BDP1: variants seen among roughly 807,000 people sequenced by gnomAD.
BDP1 encodes transcription factor TFIIIB component B'' homolog.
BDP1 carries 169 observed loss-of-function variants against 266.6 expected under a neutral mutation model. That is an observed-to-expected ratio of 0.63 (90% CI 0.56 to 0.72). BDP1 has a LOEUF of 0.72. Among genes scored for constraint, BDP1 ranks in the 30% least tolerant of loss-of-function variants. BDP1 has a pLI of 0.00. For missense variants in BDP1, 3,015 were observed against 3,053.8 expected (o/e 0.99, Z 0.30); for synonymous variants, 1,090 against 1,022.4 (o/e 1.07, Z -1.26).
chr5:71,560,966 C>T (rs1743603980), intron 37 of BDP1, among the ~76,000 whole-genome samples: 1 of 152,120 alleles, frequency 6.6e-6, no homozygotes, highest in Non-Finnish European at 1.5e-5. Context: ...AGAATGAGGC[C>T]CAGGTACAGT....
intron 25 of BDP1, among the ~76,000 whole-genome samples, chr5:71,530,122 T>C (rs533197957): frequency 3.3e-4 from 51 of 152,372 alleles, no homozygotes; most frequent in African/African-American, 1.1e-3. Context: ...AACTTTTACT[T>C]TATAGAATAT....
intron 16 of BDP1, among the ~76,000 whole-genome samples, chr5:71,508,471 A>ATT (rs113929106): frequency 1.3e-3 from 187 of 144,386 alleles, no homozygotes; most frequent in South Asian, 2.7e-3. Context: ...CACTTGACTA[A>ATT]TTTTTTTTTT....
At chr5:71,466,025 AT>A (rs1374143473) in intron 4 of BDP1, 70 bp from the exon 5 acceptor site, 2 of 1,487,652 alleles carry the variant, frequency 1.3e-6, no homozygotes, top group African/African-American at 2.8e-5. Flanking sequence ...GTAATCATTT[AT>A]TTTAAGTTTT....
At chr5:71,563,529 A>T (rs1241426399) in intron 38 of BDP1, among the ~76,000 whole-genome samples, 1 of 151,836 alleles carries the variant, frequency 6.6e-6, no homozygotes, top group African/African-American at 2.4e-5. Context: ...TTTTGATTTT[A>T]TTTATGGTGG....
At chr5:71,553,051 T>TA in intron 34 of BDP1, 65 bp from the exon 35 acceptor site, 2 of 1,334,114 alleles carry the variant, frequency 1.5e-6, no homozygotes, top group African/African-American at 1.5e-5. Flanking sequence ...CTAGGATCCT[T>TA]TAAAAAAAAA....
chr5:71,496,844 A>G (rs898691274), intron 12 of BDP1, among the ~76,000 whole-genome samples: 6 of 152,306 alleles, frequency 3.9e-5, no homozygotes, highest in East Asian at 1.9e-4. Flanking sequence ...CAGCCTCCCA[A>G]AGTGCTGGGA....
chr5:71,554,739 C>T (rs1347552728), intron 35 of BDP1, among the ~76,000 whole-genome samples: 1 of 148,706 alleles, frequency 6.7e-6, no homozygotes, highest in Non-Finnish European at 1.5e-5. Flanking sequence ...TTTTTATTTT[C>T]TAAACTTTGT....
At chr5:71,489,375 AT>A in intron 9 of BDP1, 28 bp from the exon 10 acceptor site, 3 of 1,538,956 alleles carry the variant, frequency 1.9e-6, no homozygotes, top group Non-Finnish European at 2.6e-6. Context: ...GGTTGTTTAA[AT>A]ATTTATAGTA....
chr5:71,553,008 C>A, intron 34 of BDP1, 108 bp from the exon 35 acceptor site: 2 of 925,108 alleles, frequency 2.2e-6, no homozygotes, highest in Non-Finnish European at 3.2e-6. Flanking sequence ...CATTGGAATA[C>A]CTCAGCCTTT....
chr5:71,556,588 C>T (rs1403947874), intron 35 of BDP1, among the ~76,000 whole-genome samples: 1 of 152,028 alleles, frequency 6.6e-6, no homozygotes, highest in Non-Finnish European at 1.5e-5. Context: ...CTGAAACGAG[C>T]TCTACTTGAT....
At position 71,489,428 on chromosome 5, in the gene BDP1, T is replaced by G; in HGVS notation, c.1238T>G (p.Val413Gly). The G allele has an allele frequency of 6.2e-7, 1 of 1,607,134 alleles. No individual in the cohort carries two copies. The highest frequency in any genetic ancestry group is 8.5e-7 in the Non-Finnish European group (1 of 1,178,218). The stretch of plus-strand genomic sequence containing the variant: ...GTGAAAAAAGTTGCCTGTGAAGGAG[T>G]GAATAATGATCCAGATGAGTCTATG... ...VKVKKVACEG[V>G]NNDPDESMSS... Residue 413 changes from valine to glycine, a missense_variant, in exon 10 of 39, where the codon GTG (valine) becomes GGG (glycine). Coordinates refer to ENST00000358731, the MANE Select transcript of BDP1 (RefSeq NM_018429.3).
intron 35 of BDP1, 27 bp from the exon 36 acceptor site, chr5:71,556,859 A>ATT: frequency 8.4e-7 from 1 of 1,183,440 alleles, no homozygotes; most frequent in Non-Finnish European, 1.2e-6. Flanking sequence ...AAATTTCTAA[A>ATT]TTTTTTTTTA....
chr5:71,511,360 T>G, intron 17 of BDP1: 2 of 549,510 alleles, frequency 3.6e-6, no homozygotes, highest in Non-Finnish European at 6.1e-6. Flanking sequence ...GGGCACACCT[T>G]TAAACCCAAC....
At chr5:71,553,011 C>A in intron 34 of BDP1, 105 bp from the exon 35 acceptor site, 2 of 954,040 alleles carry the variant, frequency 2.1e-6, no homozygotes, top group Non-Finnish European at 3.1e-6. Flanking sequence ...TGGAATACCT[C>A]AGCCTTTAAC....
chr5:71,471,347 C>G (rs1162797753), intron 7 of BDP1, among the ~76,000 whole-genome samples: 1 of 151,892 alleles, frequency 6.6e-6, no homozygotes, highest in Non-Finnish European at 1.5e-5. Flanking sequence ...TTACCATGTT[C>G]GTCAGCCTGG....
At chr5:71,504,981 A>G (rs1764498499) in intron 16 of BDP1, among the ~76,000 whole-genome samples, 1 of 152,186 alleles carries the variant, frequency 6.6e-6, no homozygotes, top group Admixed American at 6.5e-5. Flanking sequence ...ACTTGAGTTA[A>G]CATGAATAGC....
intron 31 of BDP1, among the ~76,000 whole-genome samples, 189 bp downstream of exon 31, chr5:71,544,696 G>C (rs370349711): frequency 6.6e-6 from 1 of 151,742 alleles, no homozygotes; most frequent in African/African-American, 2.4e-5. Flanking sequence ...TGGCTAACAC[G>C]GTGAAACCCC....
At chr5:71,545,749 A>G (rs1580189679) in intron 32 of BDP1, among the ~76,000 whole-genome samples, 1 of 152,170 alleles carries the variant, frequency 6.6e-6, no homozygotes, top group East Asian at 1.9e-4. Flanking sequence ...GACTTGAAGA[A>G]CATGTATACA....
intron 6 of BDP1, among the ~76,000 whole-genome samples, chr5:71,467,793 C>T (rs1429676491): frequency 1.3e-5 from 2 of 152,000 alleles, no homozygotes; most frequent in African/African-American, 4.8e-5. Context: ...GAGTTTGAGA[C>T]CAACTTGGGC....
Sources: gnomAD v4.1 joint callset for allele counts (sites outside exome capture counted in the v4.1 genomes callset) on GRCh38, gnomAD v4.1.1 for gene constraint, MANE v1.5 for transcripts, NCBI Gene and HGNC (gene_info 2026-07-23, HGNC 2026-07-21) for gene names.